CCDC88A: variants seen among roughly 807,000 people sequenced by gnomAD.
CCDC88A encodes the protein coiled-coil and HOOK domain protein 88A.
A neutral mutation model predicts 234.3 loss-of-function variants in CCDC88A; 54 were observed. The observed-to-expected ratio is 0.23, with a 90% CI of 0.19 to 0.29. CCDC88A has a LOEUF of 0.29. CCDC88A is among the 10% of genes least tolerant of loss of function. The pLI is 1.00. For synonymous variants in CCDC88A, 753 were observed against 737.8 expected (o/e 1.02, Z -0.33); for missense variants, 1,832 against 2,123.4 (o/e 0.86, Z 2.70).
rs374018684 is a variant in CCDC88A at position 55,339,468 on chromosome 2, T to G, written c.1514A>C (p.Lys505Thr). 11 of 1,549,602 alleles carry G rather than the reference T, an allele frequency of 7.1e-6. No homozygotes were observed. The Admixed American group carries it at 2.1e-4, about 30-fold the overall frequency. ...KMEKENQRLS[K>T]KVEILENEIV... is the part of the protein sequence containing the mutation. ...AAACACTACATTTTAATTTACCTTT[T>G]TACTGAGCCTTTGATTTTCTTTTTC... The change falls in exon 13 of 33, where the codon AAA (lysine) becomes ACA (threonine). Residue 505 changes from lysine to threonine, a missense_variant. Lys to Thr is a moderately conservative substitution (Grantham distance 78). Transcript: ENST00000436346.
rs752752142 is a variant in CCDC88A, at chr2:55,301,199, A to G, written c.4744+7T>C. The G allele has an allele frequency of 6.5e-7, 1 of 1,534,758 alleles. No individual in the cohort carries two copies. The highest frequency in any genetic ancestry group is 1.1e-5 in the South Asian group (1 of 87,468). On this transcript the variant is annotated splice_region_variant and intron_variant, in intron 28 of 32. Coordinates refer to ENST00000436346, the MANE Select transcript of CCDC88A (RefSeq NM_001365480.1). ...GTGTACTCTCTAAATAAGGTTCATT[A>G]TCTTACCATGAACTCTTGATCCCGT...
intron 2 of CCDC88A, among the ~76,000 whole-genome samples, chr2:55,411,717 T>C (rs758065403): frequency 6.3e-5 from 9 of 143,224 alleles, no homozygotes; most frequent in Non-Finnish European, 1.2e-4. Context: ...GAGAAGGAGG[T>C]TGCAGTGAGC....
At position 55,402,645 on chromosome 2, in the gene CCDC88A, T is replaced by C. The variant is rs187780850; in HGVS notation, c.165-13759A>G. On this transcript the variant is annotated intron_variant, in intron 2 of 32. Coordinates refer to ENST00000436346, the MANE Select transcript of CCDC88A (RefSeq NM_001365480.1). ...ACTTCTTAACATCGTGCATTGGTCA[T>C]TTAGAAATTATTGGTTCTTTGAATT... 1.5e-4 allele frequency among the ~76,000 whole-genome samples: 23 copies of C among 152,028 alleles called. No homozygotes were observed. In the East Asian group the frequency reaches 4.2e-3, roughly 28 times the overall value.
chr2:55,375,729 T>C (rs1574348043), intron 3 of CCDC88A, among the ~76,000 whole-genome samples: 1 of 151,752 alleles, frequency 6.6e-6, no homozygotes, highest in South Asian at 2.1e-4. Flanking sequence ...GGTGTCACCA[T>C]GTTGGCCAGG....
chr2:55,308,741 T>C, intron 25 of CCDC88A, 68 bp downstream of exon 25: 1 of 1,193,612 alleles, frequency 8.4e-7, no homozygotes, highest in Non-Finnish European at 1.2e-6. Context: ...AAAGGACTAC[T>C]GAAGTTTTAA....
Position 55,369,055 on chromosome 2 carries a change from G to C in CCDC88A, c.402+3397C>G, listed in dbSNP as rs897981916. On this transcript the variant is annotated intron_variant, in intron 5 of 32. Transcript: ENST00000436346. ...AGAATAATTTTTTTCTTTTTTTTGA[G>C]ATGGAGTCTTGCTCTGTCACCCAGG... Among the ~76,000 whole-genome samples, 13 of 151,928 alleles carry C rather than the reference G, an allele frequency of 8.6e-5. No individual in the cohort carries two copies. The East Asian group carries it at 2.3e-3, about 27-fold the overall frequency.
intron 29 of CCDC88A, among the ~76,000 whole-genome samples, chr2:55,297,689 G>A (rs923573975): frequency 6.6e-6 from 1 of 151,594 alleles, no homozygotes; most frequent in Non-Finnish European, 1.5e-5. Context: ...GGGATTACAG[G>A]TGTGAGCCAC....
chr2:55,298,158 T>A (rs1046231421), intron 29 of CCDC88A, among the ~76,000 whole-genome samples: 1 of 152,176 alleles, frequency 6.6e-6, no homozygotes, highest in Non-Finnish European at 1.5e-5. Flanking sequence ...ACGAACAAAC[T>A]GTACATCAAA....
intron 2 of CCDC88A, among the ~76,000 whole-genome samples, chr2:55,401,100 G>C (rs1678533083): frequency 6.6e-6 from 1 of 151,832 alleles, no homozygotes; most frequent in South Asian, 2.1e-4. Context: ...TGCAGCACTG[G>C]TCTGAGGGTA....
In CCDC88A at chr2:55,388,982, T is replaced by TA. The variant is rs530822391; in HGVS notation, c.165-97dup. 107 of 339,076 alleles carry TA rather than the reference T, an allele frequency of 3.2e-4. 1 individual carries two copies. Among genetic ancestry groups the TA allele is most frequent in the African/African-American group, 2.2e-3 (103 of 46,170 alleles). 21.0% of individuals were successfully genotyped at this position (339,076 alleles called of 1,614,324 possible). Reference sequence around the variant, plus strand: ...ATCATATAATACTTTTTTATTTAAATAAATTGTGTGCTCATCTGCATTAAC... The same window carrying TA: ...ATCATATAATACTTTTTTATTTAAATAAAATTGTGTGCTCATCTGCATTAAC... On this transcript the variant is annotated intron_variant, in intron 2 of 32. Coordinates refer to ENST00000436346, the MANE Select transcript of CCDC88A (RefSeq NM_001365480.1).
intron 3 of CCDC88A, 156 bp downstream of exon 3, chr2:55,388,622 A>G: frequency 2.4e-6 from 1 of 410,636 alleles, no homozygotes; most frequent in Non-Finnish European, 4.4e-6. Flanking sequence ...TAACATTCAT[A>G]AAAAATAAAC....
intron 32 of CCDC88A, 25 bp downstream of exon 32, chr2:55,291,651 T>C (rs1679462639): frequency 9.3e-7 from 1 of 1,080,162 alleles, no homozygotes; most frequent in African/African-American, 1.6e-5. Context: ...ACTAATCTCA[T>C]TTACATTTTA....
At chr2:55,310,012 A>G (rs957368417) in intron 23 of CCDC88A, among the ~76,000 whole-genome samples, 2 of 152,220 alleles carry the variant, frequency 1.3e-5, no homozygotes, top group African/African-American at 4.8e-5. Flanking sequence ...TTAGATCACG[A>G]AATAAAGCCC....
rs763151792 is a variant in CCDC88A, at chr2:55,301,895, G to C, written c.4649C>G (p.Ser1550Cys). The C allele has an allele frequency of 3.7e-6, 6 of 1,613,984 alleles. No individual in the cohort carries two copies. The African/African-American group carries it at 8.0e-5, about 22-fold the overall frequency. ...STVNSSAGFR[S>C]KQLVNNKDTT... is the part of the protein sequence containing the mutation. ...ACCTTTATTATTAACCAACTGCTTG[G>C]ATCTGAAGCCTGCAGAAGAGTTGAC... Residue 1550 changes from serine (S) to cysteine (C), a missense_variant, in exon 27 of 33, where the codon TCC becomes TGC. Physicochemically the swap from Ser to Cys is moderately radical, Grantham distance 112. Transcript: ENST00000436346.
At chr2:55,375,491 ATATATATATATATATATATATGTATG>A (rs765167943) in intron 3 of CCDC88A, among the ~76,000 whole-genome samples, 1,269 of 27,050 alleles carry the variant, frequency 0.047, 45 homozygotes, top group Admixed American at 0.079. Context: ...ATATATATAT[ATATATATATATATATATATATGTATG>A]TATGTATAAA....
chr2:55,333,404 T>C (rs957942309), intron 15 of CCDC88A, among the ~76,000 whole-genome samples: 4 of 152,216 alleles, frequency 2.6e-5, no homozygotes, highest in Non-Finnish European at 4.4e-5. Flanking sequence ...AGAATTCTTC[T>C]TGATACATAG....
At chr2:55,389,200 C>T (rs1346506921) in intron 2 of CCDC88A, among the ~76,000 whole-genome samples, 1 of 152,132 alleles carries the variant, frequency 6.6e-6, no homozygotes, top group Non-Finnish European at 1.5e-5. Context: ...ATATATAGTT[C>T]TATCACACAA....
rs2104822383 is a variant in CCDC88A at position 55,372,508 on chromosome 2, G to T, written c.346C>A (p.Gln116Lys). The change falls in exon 5 of 33, where the codon CAA becomes AAA. Residue 116 changes from glutamine to lysine, a missense_variant and splice_region_variant. Transcript: ENST00000436346. ...AGTTTTTTAACTTCTTCTGTGCCTT[G>T]TTCTAAAATAGAAACAATTATTAAG... ...LIIGKNPFSEQGTEEVKKLLL... is the reference protein window; with the variant it reads ...LIIGKNPFSEKGTEEVKKLLL... The T allele has an allele frequency of 1.4e-6, 2 of 1,465,004 alleles. No individual in the cohort carries two copies. The highest frequency in any genetic ancestry group is 2.4e-5 in the South Asian group (2 of 84,618). 90.8% of individuals were successfully genotyped at this position (1,465,004 alleles called of 1,614,324 possible).
intron 2 of CCDC88A, among the ~76,000 whole-genome samples, chr2:55,402,234 A>C (rs1354925200): frequency 6.6e-6 from 1 of 152,154 alleles, no homozygotes; most frequent in Non-Finnish European, 1.5e-5. Context: ...ACATTTTTAT[A>C]ACTTTTCAAA....
Sources: gnomAD v4.1 joint callset for allele counts (sites outside exome capture counted in the v4.1 genomes callset) on GRCh38, gnomAD v4.1.1 for gene constraint, MANE v1.5 for transcripts, NCBI Gene and HGNC (gene_info 2026-07-23, HGNC 2026-07-21) for gene names.